AGBL1: variants seen among roughly 807,000 people sequenced by gnomAD.
AGBL1 encodes cytosolic carboxypeptidase 4.
A neutral mutation model predicts 118.9 loss-of-function variants in AGBL1; 130 were observed. The ratio of observed to expected loss-of-function variants is 1.09; its 90% CI spans 0.95 to 1.26. The LOEUF is 1.26. AGBL1 is among the 50% of genes most tolerant of loss of function. The probability of loss-of-function intolerance (pLI) is 0.00; values close to 1 mark genes in which losing one functional copy is unlikely to be tolerated. For synonymous variants in AGBL1, 555 were observed against 478.9 expected (o/e 1.16, Z -2.08); for missense variants, 1,584 against 1,298.1 (o/e 1.22, Z -3.38).
chr15:86,504,591 G>T (rs1217875501), intron 18 of AGBL1, among the ~76,000 whole-genome samples: 2 of 151,212 alleles, frequency 1.3e-5, no homozygotes, highest in African/African-American at 4.8e-5. Context: ...TTTTATAACT[G>T]CCTTGGGGAT....
At chr15:86,849,513 C>CTTTTT (rs1432477083) in intron 22 of AGBL1, among the ~76,000 whole-genome samples, 1 of 87,746 alleles carries the variant, frequency 1.1e-5, no homozygotes, top group African/African-American at 3.6e-5. Context: ...TTCTTTCTTT[C>CTTTTT]TTTCTTTTTT....
At chr15:86,230,958 C>T (rs755138305) in intron 6 of AGBL1, among the ~76,000 whole-genome samples, 31 of 152,276 alleles carry the variant, frequency 2.0e-4, no homozygotes, top group Admixed American at 7.8e-4. Context: ...TTACCTCCCC[C>T]ATCCCCCTTA....
intron 22 of AGBL1, among the ~76,000 whole-genome samples, chr15:86,675,673 C>G (rs1278909827): frequency 6.6e-6 from 1 of 152,168 alleles, no homozygotes; most frequent in Non-Finnish European, 1.5e-5. Context: ...CCTCTGACAG[C>G]AAGCGCTTCC....
At chr15:86,670,727 C>A (rs2085733331) in intron 21 of AGBL1, among the ~76,000 whole-genome samples, 1 of 150,778 alleles carries the variant, frequency 6.6e-6, no homozygotes. Flanking sequence ...TATCAATTTG[C>A]AGAGTGTAGA....
chr15:86,488,950 C>G (rs1393823126), intron 18 of AGBL1, among the ~76,000 whole-genome samples: 1 of 151,830 alleles, frequency 6.6e-6, no homozygotes, highest in Non-Finnish European at 1.5e-5. Context: ...TGAAGTCTGG[C>G]TTTCAAGACT....
chr15:86,536,605 G>A (rs2083429704), intron 19 of AGBL1, among the ~76,000 whole-genome samples: 1 of 152,094 alleles, frequency 6.6e-6, no homozygotes, highest in Non-Finnish European at 1.5e-5. Flanking sequence ...CACTGTGCCT[G>A]GTCAAAAATC....
At chr15:86,323,876 T>A (rs1375571558) in intron 17 of AGBL1, among the ~76,000 whole-genome samples, 1 of 152,214 alleles carries the variant, frequency 6.6e-6, no homozygotes, top group East Asian at 1.9e-4. Flanking sequence ...ATGGTGTCTT[T>A]CCTTTTCTCT....
At chr15:86,159,349 C>G (rs868426855) in intron 5 of AGBL1, among the ~76,000 whole-genome samples, 1 of 152,090 alleles carries the variant, frequency 6.6e-6, no homozygotes, top group African/African-American at 2.4e-5. Context: ...CTTTCAGACT[C>G]GAAACCTCAT....
Position 86,534,112 on chromosome 15 carries a change from T to TTA in AGBL1, c.2685+11173_2685+11174insTA, listed in dbSNP as rs753500782. Among the ~76,000 whole-genome samples the TTA allele has an allele frequency of 4.0e-4, 39 of 96,502 alleles. 1 individual carries two copies. The highest frequency in any genetic ancestry group is 1.4e-3 in the African/African-American group (38 of 26,838). The allele number at this position is 96,502 out of a possible 152,430, so 63.3% of individuals were successfully genotyped here. Reference sequence around the variant, plus strand: ...ATGTACCCTAAAACTTAAAGTATAATAAAAAAAAAAAAAAAAAAAAAAGAT... The same window carrying TTA: ...ATGTACCCTAAAACTTAAAGTATAATTAAAAAAAAAAAAAAAAAAAAAAAGAT... On this transcript the variant is annotated intron_variant, in intron 19 of 22. Coordinates refer to ENST00000614907, the MANE Select transcript of AGBL1 (RefSeq NM_001386094.1).
rs1356252830 is a variant in AGBL1, at chr15:86,974,736, A to G, written c.3222-13251A>G. Among the ~76,000 whole-genome samples, 4 of 151,476 alleles carry G rather than the reference A, an allele frequency of 2.6e-5. No homozygotes were observed. In the East Asian group the frequency reaches 7.7e-4, roughly 29 times the overall value. ...AGGACATGAGCAATACTAGCTAATT[A>G]TGACTATCAGTTTTTGAATTTCCAC... On this transcript the variant is annotated intron_variant, in intron 23 of 24. Coordinates refer to the AGBL1 transcript ENST00000441037.
intron 1 of AGBL1, among the ~76,000 whole-genome samples, chr15:86,080,639 G>A (rs1372846975): frequency 6.6e-6 from 1 of 152,140 alleles, no homozygotes; most frequent in Admixed American, 6.5e-5. Context: ...CTACAGCAGT[G>A]GTTTGCAAAC....
At chr15:86,295,214 A>C in intron 16 of AGBL1, 41 bp from the exon 17 acceptor site, 1 of 1,602,148 alleles carries the variant, frequency 6.2e-7, no homozygotes. Context: ...TTGTTATAAA[A>C]AATGTTGATA....
chr15:86,382,295 A>G (rs1316721105), intron 17 of AGBL1, among the ~76,000 whole-genome samples: 2 of 152,214 alleles, frequency 1.3e-5, no homozygotes, highest in Non-Finnish European at 2.9e-5. Flanking sequence ...CGAAGGGGCC[A>G]GAAATAAGTC....
chr15:86,164,035 C>A lies in AGBL1; in HGVS notation c.488+5009C>A, dbSNP rs181361562. ...CTGAGAGACTGCGAAGCAGCAGCCACCAGCTTGAAAGGGAGCAAAGTTTCT... is the reference window on the plus strand; with the variant it reads ...CTGAGAGACTGCGAAGCAGCAGCCAACAGCTTGAAAGGGAGCAAAGTTTCT... On this transcript the variant is annotated intron_variant, in intron 5 of 22. Transcript: ENST00000614907. Among the ~76,000 whole-genome samples the A allele has an allele frequency of 1.7e-3, 258 of 152,320 alleles. 1 individual carries two copies. The highest frequency in any genetic ancestry group is 6.0e-3 in the African/African-American group (251 of 41,582).
intron 18 of AGBL1, among the ~76,000 whole-genome samples, chr15:86,428,530 T>C (rs2081894851): frequency 6.6e-6 from 1 of 152,240 alleles, no homozygotes; most frequent in African/African-American, 2.4e-5. Flanking sequence ...ACAAATCCAG[T>C]AAAAGATATG....
rs1567094060 is a variant in AGBL1 at position 86,633,848 on chromosome 15, GTATATATATATATAA to G, written c.2995-40423_2995-40409del. On this transcript the variant is annotated intron_variant, in intron 21 of 22. Coordinates refer to ENST00000614907, the MANE Select transcript of AGBL1 (RefSeq NM_001386094.1). ...TATATATAATGTATATATATATAAT[GTATATATATATATAA>G]TGTATATATATAATGTATATATATA... Among the ~76,000 whole-genome samples, 41 of 39,934 alleles carry G rather than the reference GTATATATATATATAA, an allele frequency of 1.0e-3. 1 individual carries two copies. The highest frequency in any genetic ancestry group is 2.2e-3 in the African/African-American group (22 of 9,882). The allele number at this position is 39,934 out of a possible 152,430, so 26.2% of individuals were successfully genotyped here. A position where few individuals can be genotyped will look rare whatever the true frequency, so the allele number is the denominator to read the frequency against.
chr15:86,295,364 C>G lies in AGBL1; in HGVS notation c.2330C>G (p.Thr777Arg). 1.2e-6 allele frequency: 2 copies of G among 1,609,410 alleles called. No homozygotes were observed. The highest frequency in any genetic ancestry group is 1.7e-6 in the Non-Finnish European group (2 of 1,177,878). The change falls in exon 17 of 23, where the codon ACG (threonine) becomes AGG (arginine). Residue 777 changes from threonine (T) to arginine (R), a missense_variant. By Grantham distance (71) the Thr-to-Arg change is moderately conservative (BLOSUM62 -1). Transcript: ENST00000614907. ...AATCCGTGTCCCTTGGTGACCATCACGGCCATGCCTGAGTCCAACAGTGAT... is the reference window on the plus strand; with the variant it reads ...AATCCGTGTCCCTTGGTGACCATCAGGGCCATGCCTGAGTCCAACAGTGAT... ...GGNPCPLVTITAMPESNSDEH... is the reference protein window; with the variant it reads ...GGNPCPLVTIRAMPESNSDEH...
intron 5 of AGBL1, among the ~76,000 whole-genome samples, chr15:86,179,033 T>G (rs1182284903): frequency 6.6e-6 from 1 of 152,176 alleles, no homozygotes; most frequent in Non-Finnish European, 1.5e-5. Context: ...ATGATTATCT[T>G]GAGTAATGGG....
intron 22 of AGBL1, among the ~76,000 whole-genome samples, chr15:86,759,038 A>G (rs1447505503): frequency 1.3e-5 from 2 of 151,902 alleles, no homozygotes; most frequent in South Asian, 2.1e-4. Context: ...AGAGAGCATG[A>G]TTATACTTGA....
Sources: gnomAD v4.1 joint callset for allele counts (sites outside exome capture counted in the v4.1 genomes callset) on GRCh38, gnomAD v4.1.1 for gene constraint, MANE v1.5 for transcripts, NCBI Gene and HGNC (gene_info 2026-07-23, HGNC 2026-07-21) for gene names.